SLC35F1: variants seen among roughly 807,000 people sequenced by gnomAD.
The protein encoded by SLC35F1 is chromosome 6 open reading frame 169.
SLC35F1 carries 14 observed loss-of-function variants against 48.7 expected under a neutral mutation model. The ratio of observed to expected loss-of-function variants is 0.29; its 90% CI spans 0.19 to 0.45. The LOEUF (loss-of-function observed/expected upper bound fraction) is 0.45. SLC35F1 is among the 20% of genes least tolerant of loss of function. The pLI is 1.00. For synonymous variants in SLC35F1, 190 were observed against 202.2 expected (o/e 0.94, Z 0.51); for missense variants, 404 against 500.0 (o/e 0.81, Z 1.83).
In SLC35F1 at chr6:118,153,426, A is replaced by G. The variant is rs1355645558; in HGVS notation, c.174-1019A>G. Among the ~76,000 whole-genome samples the G allele has an allele frequency of 2.6e-5, 4 of 152,240 alleles. No individual in the cohort carries two copies. In the East Asian group the frequency reaches 5.8e-4, roughly 22 times the overall value. The stretch of plus-strand genomic sequence containing the variant: ...TACTGCATAAATATGTACCATTATT[A>G]TGTGTCAATTAAAAATAAAATAAAA... On this transcript the variant is annotated intron_variant, in intron 1 of 7. Coordinates refer to ENST00000360388, the MANE Select transcript of SLC35F1 (RefSeq NM_001029858.4).
At chr6:117,937,424 A>G (rs1205633022) in intron 1 of SLC35F1, among the ~76,000 whole-genome samples, 1 of 152,228 alleles carries the variant, frequency 6.6e-6, no homozygotes, top group Non-Finnish European at 1.5e-5. Context: ...TTAAAAGTTC[A>G]TCTTTCAAAA....
At chr6:118,245,958 T>G (rs1414041250) in intron 3 of SLC35F1, among the ~76,000 whole-genome samples, 1 of 152,162 alleles carries the variant, frequency 6.6e-6, no homozygotes, top group Non-Finnish European at 1.5e-5. Flanking sequence ...GTCAGTTTCC[T>G]TTCCTCTTTG....
chr6:118,096,316 C>T (rs1440730372), intron 1 of SLC35F1, among the ~76,000 whole-genome samples: 1 of 152,172 alleles, frequency 6.6e-6, no homozygotes, highest in Non-Finnish European at 1.5e-5. Context: ...TAGCTGAATT[C>T]CCATTTCCTT....
At chr6:118,010,374 CT>C (rs1777228495) in intron 1 of SLC35F1, among the ~76,000 whole-genome samples, 1 of 152,136 alleles carries the variant, frequency 6.6e-6, no homozygotes, top group African/African-American at 2.4e-5. Flanking sequence ...TATTAATGCA[CT>C]GCAAGGATTA....
rs777372296 is a variant in SLC35F1, at chr6:118,277,556, T to A, written c.847+10T>A. The A allele has an allele frequency of 3.7e-6, 6 of 1,612,956 alleles. No individual in the cohort carries two copies. In the South Asian group the frequency reaches 6.6e-5, roughly 18 times the overall value. On this transcript the variant is annotated intron_variant, in intron 6 of 7. Transcript: ENST00000360388. ...TGGGACTGGCAAATAGGTAAGGAGTTGGCTCACATACGATGCTCTTTTTAT... is the reference window on the plus strand; with the variant it reads ...TGGGACTGGCAAATAGGTAAGGAGTAGGCTCACATACGATGCTCTTTTTAT...
intron 2 of SLC35F1, among the ~76,000 whole-genome samples, chr6:118,210,945 AT>A: frequency 6.6e-6 from 1 of 152,326 alleles, no homozygotes; most frequent in Middle Eastern, 3.4e-3. Flanking sequence ...ATGTGACTGT[AT>A]TTGAAGACAG....
At chr6:117,966,131 G>GCCCCCCCCCCCCCCCCCCC (rs35420310) in intron 1 of SLC35F1, among the ~76,000 whole-genome samples, 4 of 101,102 alleles carry the variant, frequency 4.0e-5, no homozygotes, top group Non-Finnish European at 8.1e-5. Flanking sequence ...GCAGGCCACC[G>GCCCCCCCCCCCCCCCCCCC]CCCCCCCCCC....
chr6:118,286,362 G>T (rs1376228102), intron 7 of SLC35F1, among the ~76,000 whole-genome samples: 3 of 152,074 alleles, frequency 2.0e-5, no homozygotes, highest in African/African-American at 2.4e-5. Flanking sequence ...GGGTGTAGAC[G>T]TTCCTGGAGC....
intron 1 of SLC35F1, among the ~76,000 whole-genome samples, chr6:118,063,401 T>TA (rs1772569589): frequency 6.8e-6 from 1 of 146,166 alleles, no homozygotes; most frequent in African/African-American, 2.4e-5. Flanking sequence ...AGGCACCAGA[T>TA]AAAGGGGCAA....
At chr6:117,967,074 AG>A (rs1776580300) in intron 1 of SLC35F1, among the ~76,000 whole-genome samples, 1 of 152,226 alleles carries the variant, frequency 6.6e-6, no homozygotes, top group Non-Finnish European at 1.5e-5. Flanking sequence ...TGGAAATATA[AG>A]TAGCTAATGC....
At chr6:118,205,349 G>A (rs907260870) in intron 2 of SLC35F1, among the ~76,000 whole-genome samples, 1 of 152,264 alleles carries the variant, frequency 6.6e-6, no homozygotes, top group African/African-American at 2.4e-5. Context: ...GAAGATACAC[G>A]AATGGCCACT....
intron 4 of SLC35F1, among the ~76,000 whole-genome samples, chr6:118,272,128 T>A (rs1448255173): frequency 6.6e-6 from 1 of 152,208 alleles, no homozygotes; most frequent in African/African-American, 2.4e-5. Context: ...TGAGAATGTA[T>A]AATGCTGCAG....
intron 1 of SLC35F1, among the ~76,000 whole-genome samples, chr6:118,072,350 G>T (rs1375646800): frequency 6.6e-6 from 1 of 152,068 alleles, no homozygotes; most frequent in African/African-American, 2.4e-5. Flanking sequence ...GGATCATGAG[G>T]TCAGGAGATC....
chr6:118,110,198 C>T (rs575433525), intron 1 of SLC35F1, among the ~76,000 whole-genome samples: 194 of 152,214 alleles, frequency 1.3e-3, no homozygotes, highest in Non-Finnish European at 2.0e-3. Context: ...TTCCTCACAA[C>T]AGCAACAACA....
intron 2 of SLC35F1, among the ~76,000 whole-genome samples, chr6:118,232,336 G>T (rs2114578869): frequency 6.6e-6 from 1 of 152,196 alleles, no homozygotes. Context: ...CGGATCACAA[G>T]GTCAGGAGAT....
At chr6:118,039,796 ATTGTTTTTT>A (rs1772185039) in intron 1 of SLC35F1, among the ~76,000 whole-genome samples, 1 of 55,916 alleles carries the variant, frequency 1.8e-5, no homozygotes, top group Non-Finnish European at 4.8e-5. Context: ...GCATCTCAGG[ATTGTTTTTT>A]TTGTTTTTTT....
At chr6:118,239,043 C>T (rs1582746524) in intron 3 of SLC35F1, among the ~76,000 whole-genome samples, 1 of 151,684 alleles carries the variant, frequency 6.6e-6, no homozygotes, top group Admixed American at 6.6e-5. Context: ...ATCAACAAAC[C>T]CCACAATGAG....
At chr6:118,000,095 T>A (rs1777067704) in intron 1 of SLC35F1, among the ~76,000 whole-genome samples, 1 of 152,126 alleles carries the variant, frequency 6.6e-6, no homozygotes, top group African/African-American at 2.4e-5. Context: ...CCTAACTCAT[T>A]TTACGAGGCC....
intron 5 of SLC35F1, 97 bp downstream of exon 5, chr6:118,275,712 C>G: frequency 8.9e-7 from 1 of 1,122,890 alleles, no homozygotes; most frequent in East Asian, 2.5e-5. Flanking sequence ...AGGCTGGAAT[C>G]CAGACACCAG....
Sources: gnomAD v4.1 joint callset for allele counts (sites outside exome capture counted in the v4.1 genomes callset) on GRCh38, gnomAD v4.1.1 for gene constraint, MANE v1.5 for transcripts, NCBI Gene and HGNC (gene_info 2026-07-23, HGNC 2026-07-21) for gene names.